CZIB: variants seen among roughly 807,000 people sequenced by gnomAD.
CZIB encodes CXXC motif containing zinc binding protein.
Under a neutral mutation model 28.3 loss-of-function variants are expected in CZIB, and 26 were observed. The ratio of observed to expected loss-of-function variants is 0.92; its 90% CI spans 0.67 to 1.27. The LOEUF is 1.27. CZIB is among the 50% of genes most tolerant of loss of function. The pLI is 0.00. For missense variants in CZIB, 179 were observed against 197.3 expected (o/e 0.91, Z 0.56); for synonymous variants, 78 against 71.1 (o/e 1.10, Z -0.49).
intron 7 of CZIB, among the ~76,000 whole-genome samples, chr1:53,215,779 G>A (rs1030230326): frequency 6.6e-6 from 1 of 152,164 alleles, no homozygotes. Context: ...TATCTAACAC[G>A]TATTCTCTCT....
chr1:53,218,851 G>C lies in CZIB; in HGVS notation c.147+16C>G, dbSNP rs576000046. 1.4e-4 allele frequency: 233 copies of C among 1,607,616 alleles called. No homozygotes were observed. The highest frequency in any genetic ancestry group is 1.4e-3 in the South Asian group (127 of 90,922). On this transcript the variant is annotated intron_variant, in intron 3 of 7. Transcript: ENST00000294360. Reference sequence around the variant, plus strand: ...TTGTGAGTGTTTATGTTGGGGGTTGGGCGGGGAACAGTTACCATCAGCCGG... The same window carrying C: ...TTGTGAGTGTTTATGTTGGGGGTTGCGCGGGGAACAGTTACCATCAGCCGG...
chr1:53,218,777 G>T, intron 3 of CZIB, 90 bp downstream of exon 3: 1 of 1,312,184 alleles, frequency 7.6e-7, no homozygotes, highest in Non-Finnish European at 1.1e-6. Context: ...AAGAACTGGA[G>T]AGATGAAGGC....
intron 3 of CZIB, 132 bp from the exon 4 acceptor site, chr1:53,218,627 C>G: frequency 1.0e-6 from 1 of 955,554 alleles, no homozygotes; most frequent in Non-Finnish European, 1.6e-6. Context: ...GGACAAGACT[C>G]CTGGGAAGGC....
chr1:53,215,722 C>G (rs184320164), intron 7 of CZIB, among the ~76,000 whole-genome samples: 264 of 152,258 alleles, frequency 1.7e-3, no homozygotes, highest in Non-Finnish European at 3.1e-3. Flanking sequence ...ATTGTTGATT[C>G]ATGAACTCAC....
At chr1:53,218,044 GA>G (rs2100287678) in intron 5 of CZIB, 127 bp downstream of exon 5, 1 of 988,102 alleles carries the variant, frequency 1.0e-6, no homozygotes, top group Non-Finnish European at 1.5e-6. Flanking sequence ...AGTCAAAGAA[GA>G]ACTAAGTTCA....
At chr1:53,216,681 G>C (rs901651650) in intron 6 of CZIB, 101 bp downstream of exon 6, 2 of 1,065,066 alleles carry the variant, frequency 1.9e-6, no homozygotes, top group African/African-American at 3.1e-5. Context: ...CTAGAAAGGA[G>C]AATGTCTAGT....
At position 53,220,097 on chromosome 1, in the gene CZIB, A is replaced by C; in HGVS notation, c.90+164T>G. Reference sequence around the variant, plus strand: ...TTCCAAGACTGCCAATTAGAGATAAACCAATACACTTTAATAGAAAGCAAA... The same window carrying C: ...TTCCAAGACTGCCAATTAGAGATAACCCAATACACTTTAATAGAAAGCAAA... On this transcript the variant is annotated intron_variant, in intron 2 of 7. Coordinates refer to ENST00000294360, the MANE Select transcript of CZIB (RefSeq NM_017887.3). 5 of 632,444 alleles carry C rather than the reference A, an allele frequency of 7.9e-6. No individual in the cohort carries two copies. The South Asian group carries it at 1.0e-4, about 13-fold the overall frequency. The allele number at this position is 632,444 out of a possible 1,614,324, so 39.2% of individuals were successfully genotyped here.
Position 53,214,740 on chromosome 1 carries a change from G to C in CZIB, c.406-4C>G, listed in dbSNP as rs1266737320. On this transcript the variant is annotated splice_region_variant and splice_polypyrimidine_tract_variant and intron_variant, in intron 7 of 7. Coordinates refer to ENST00000294360, the MANE Select transcript of CZIB (RefSeq NM_017887.3). ...TTTCATCATAGTCAGTCCAGTCCTG[G>C]GAAACAAAATGGCATTGTTAGCCTC... The C allele has an allele frequency of 1.9e-6, 3 of 1,613,468 alleles. No homozygotes were observed. Among genetic ancestry groups the C allele is most frequent in the Non-Finnish European group, 2.5e-6 (3 of 1,179,850 alleles).
chr1:53,220,513 C>G, intron 1 of CZIB, 57 bp downstream of exon 1: 1 of 1,600,286 alleles, frequency 6.2e-7, no homozygotes, highest in Non-Finnish European at 8.5e-7. Context: ...GAGCTGTTGC[C>G]TCCCAGACCC....
intron 1 of CZIB, 48 bp from the exon 2 acceptor site, chr1:53,220,392 C>G (rs756138500): frequency 6.3e-7 from 1 of 1,596,562 alleles, no homozygotes; most frequent in Non-Finnish European, 8.5e-7. Flanking sequence ...CTGCGCAGCC[C>G]CACGCCTGCC....
At chr1:53,215,362 A>G (rs1645463790) in intron 7 of CZIB, among the ~76,000 whole-genome samples, 1 of 152,216 alleles carries the variant, frequency 6.6e-6, no homozygotes, top group East Asian at 1.9e-4. Flanking sequence ...ATAAAATAAA[A>G]GCACTCAGCA....
intron 5 of CZIB, 151 bp from the exon 6 acceptor site, chr1:53,217,010 G>T: frequency 1.5e-6 from 1 of 646,132 alleles, no homozygotes. Context: ...GAGGAAGCCT[G>T]CCTTGGGCAC....
chr1:53,220,578 T>C lies in CZIB; in HGVS notation c.-3A>G, dbSNP rs1645517851. The stretch of plus-strand genomic sequence containing the variant: ...GGGCGGCCTCCCCTCACCCCCATGG[T>C]AGCCCTCTCCGCCCGGTGCTGGCTG... On this transcript the variant is annotated 5_prime_UTR_variant, in exon 1 of 8. Coordinates refer to ENST00000294360, the MANE Select transcript of CZIB (RefSeq NM_017887.3). The C allele has an allele frequency of 1.6e-5, 25 of 1,598,174 alleles. No individual in the cohort carries two copies. Among genetic ancestry groups the C allele is most frequent in the Non-Finnish European group, 2.1e-5 (25 of 1,179,366 alleles).
intron 1 of CZIB, 79 bp from the exon 2 acceptor site, chr1:53,220,423 C>A: frequency 6.3e-7 from 1 of 1,579,466 alleles, no homozygotes; most frequent in South Asian, 1.1e-5. Flanking sequence ...GCATTCCCAG[C>A]CGTGGGTGCC....
chr1:53,214,556 CCA>C lies in CZIB; in HGVS notation c.*101_*102del. On this transcript the variant is annotated 3_prime_UTR_variant, in exon 8 of 8. Transcript: ENST00000294360. ...TGCAGATTGTGAAGGTTTCGTATAG[CCA>C]CCAGGAGACAAGGGTCAAAGGAACG... The C allele has an allele frequency of 1.1e-6, 1 of 936,014 alleles. No individual in the cohort carries two copies. Among genetic ancestry groups the C allele is most frequent in the East Asian group, 2.5e-5 (1 of 40,134 alleles). 58.0% of individuals were successfully genotyped at this position (936,014 alleles called of 1,614,324 possible). A position where few individuals can be genotyped will look rare whatever the true frequency, so the allele number is the denominator to read the frequency against.
chr1:53,219,956 G>T, intron 2 of CZIB: 1 of 362,406 alleles, frequency 2.8e-6, no homozygotes, highest in Non-Finnish European at 5.0e-6. Context: ...ATAAACGAAA[G>T]GCGAACTATT....
At chr1:53,216,098 A>C (rs375042095) in intron 6 of CZIB, 42 bp from the exon 7 acceptor site, 43 of 1,604,574 alleles carry the variant, frequency 2.7e-5, no homozygotes, top group Non-Finnish European at 3.5e-5. Flanking sequence ...TGGCAAAAGA[A>C]GGCATTGGGC....
rs776943154 is a variant in CZIB, at chr1:53,220,541, T to C, written c.6+29A>G. 1.9e-6 allele frequency: 3 copies of C among 1,600,100 alleles called. No homozygotes were observed. In the South Asian group the frequency reaches 3.3e-5, roughly 18 times the overall value. On this transcript the variant is annotated intron_variant, in intron 1 of 7. Coordinates refer to ENST00000294360, the MANE Select transcript of CZIB (RefSeq NM_017887.3). Reference sequence around the variant, plus strand: ...CCAGACCCTCGCCACCTCCCCTCCGTGTCCCCGCGGCGGGCGGCCTCCCCT... The same window carrying C: ...CCAGACCCTCGCCACCTCCCCTCCGCGTCCCCGCGGCGGGCGGCCTCCCCT...
chr1:53,215,198 G>A (rs1051375044), intron 7 of CZIB, among the ~76,000 whole-genome samples: 18 of 152,168 alleles, frequency 1.2e-4, no homozygotes, highest in African/African-American at 4.3e-4. Flanking sequence ...AAAATAGCCA[G>A]GAATGGTGGC....
Sources: gnomAD v4.1 joint callset for allele counts (sites outside exome capture counted in the v4.1 genomes callset) on GRCh38, gnomAD v4.1.1 for gene constraint, MANE v1.5 for transcripts, NCBI Gene and HGNC (gene_info 2026-07-23, HGNC 2026-07-21) for gene names.